Variants in RIPOR3 observed in about 807,000 individuals in gnomAD.
RIPOR3 encodes RIPOR family member 3.
RIPOR3 carries 95 observed loss-of-function variants against 114.3 expected under a neutral mutation model. The ratio of observed to expected loss-of-function variants is 0.83; its 90% confidence interval spans 0.70 to 0.99. The LOEUF (loss-of-function observed/expected upper bound fraction) is 0.99. RIPOR3 is among the 50% of genes least tolerant of loss of function. RIPOR3 has a pLI of 0.00. For synonymous variants in RIPOR3, 575 were observed against 543.8 expected, an observed-to-expected ratio of 1.06 and a Z score of -0.80; for missense variants, 1,252 against 1,266.9, an observed-to-expected ratio of 0.99 and a Z score of 0.18.
At chr20:50,611,323 CT>C in intron 4 of RIPOR3, 119 bp from the exon 5 acceptor site, 1 of 1,304,276 alleles carries the variant, frequency 7.7e-7, no homozygotes. Flanking sequence ...AAAGCCATGT[CT>C]ACAGCCACCC....
At chr20:50,625,395 G>T (rs549388473) in intron 2 of RIPOR3, among the ~76,000 whole-genome samples, 23 of 152,276 alleles carry the variant, frequency 1.5e-4, no homozygotes, top group African/African-American at 5.3e-4. Flanking sequence ...TGCTTTACAT[G>T]TATGGACTCA....
intron 1 of RIPOR3, among the ~76,000 whole-genome samples, chr20:50,678,115 A>G (rs1327971252): frequency 6.6e-6 from 1 of 152,182 alleles, no homozygotes; most frequent in African/African-American, 2.4e-5. Flanking sequence ...TTGCCCCCCA[A>G]GAAGAGAACC....
intron 13 of RIPOR3, among the ~76,000 whole-genome samples, chr20:50,601,240 C>G (rs1568834743): frequency 6.6e-6 from 1 of 152,136 alleles, no homozygotes; most frequent in African/African-American, 2.4e-5. Context: ...TTGAGACCAG[C>G]CTGGCCAACA....
intron 1 of RIPOR3, among the ~76,000 whole-genome samples, chr20:50,683,641 C>T (rs975206167): frequency 4.0e-5 from 6 of 151,528 alleles, no homozygotes; most frequent in Admixed American, 2.6e-4. Context: ...TTAGTAGAGA[C>T]GGGCTGTCTC....
At position 50,608,975 on chromosome 20, in the gene RIPOR3, G is replaced by C. The variant is rs762610888; in HGVS notation, c.641-20C>G. ...CCAAGCCTGGAACACAGACATGGCC[G>C]GTCTCCCCTCCGCCTTCCACTCTCC... is the stretch of plus-strand genomic sequence containing the variant. On this transcript the variant is annotated intron_variant, in intron 8 of 21. Coordinates refer to ENST00000327979, the MANE Select transcript of RIPOR3 (RefSeq NM_001290268.2). 6.4e-7 allele frequency: 1 copy of C among 1,564,360 alleles called. No individual in the cohort carries two copies. Among genetic ancestry groups the C allele is most frequent in the African/African-American group, 1.4e-5 (1 of 74,038 alleles).
At chr20:50,686,570 G>A (rs1386817372) in intron 1 of RIPOR3, among the ~76,000 whole-genome samples, 1 of 151,852 alleles carries the variant, frequency 6.6e-6, no homozygotes, top group Non-Finnish European at 1.5e-5. Flanking sequence ...CCAATATGGT[G>A]AAACCCCATC....
At chr20:50,615,524 CA>C (rs11474316) in intron 4 of RIPOR3, among the ~76,000 whole-genome samples, 1,395 of 58,362 alleles carry the variant, frequency 0.024, 18 homozygotes, top group African/African-American at 0.071. Flanking sequence ...AATCCTGTCT[CA>C]AAAAAAAAAA....
At chr20:50,611,017 C>T in intron 5 of RIPOR3, 111 bp from the exon 6 acceptor site, 2 of 1,569,286 alleles carry the variant, frequency 1.3e-6, no homozygotes, top group East Asian at 2.2e-5. Flanking sequence ...GGGCCCCTCA[C>T]CATCCCTGAG....
At chr20:50,599,263 G>A (rs142501315) in intron 13 of RIPOR3, among the ~76,000 whole-genome samples, 11 of 152,070 alleles carry the variant, frequency 7.2e-5, no homozygotes, top group South Asian at 4.2e-4. Context: ...ATGATGGTAC[G>A]TGCCTGTAAC....
intron 1 of RIPOR3, among the ~76,000 whole-genome samples, chr20:50,665,078 G>A (rs191351252): frequency 6.6e-6 from 1 of 152,014 alleles, no homozygotes; most frequent in African/African-American, 2.4e-5. Flanking sequence ...TTCCAGCCTG[G>A]GTGACAGAGC....
At chr20:50,642,347 T>TGG (rs1271043602) in intron 1 of RIPOR3, among the ~76,000 whole-genome samples, 1 of 40,368 alleles carries the variant, frequency 2.5e-5, no homozygotes, top group Non-Finnish European at 3.9e-5. Flanking sequence ...TCTCTGTGGG[T>TGG]GTGTGTGTGT....
intron 4 of RIPOR3, among the ~76,000 whole-genome samples, chr20:50,612,141 G>GA (rs77901546): frequency 1.4e-5 from 2 of 144,386 alleles, no homozygotes; most frequent in Non-Finnish European, 3.0e-5. Flanking sequence ...AAAAAAAAAA[G>GA]AAAAAAAGTA....
At chr20:50,625,474 G>A (rs1262724498) in intron 2 of RIPOR3, among the ~76,000 whole-genome samples, 1 of 152,206 alleles carries the variant, frequency 6.6e-6, no homozygotes, top group Non-Finnish European at 1.5e-5. Context: ...TGCATCACTC[G>A]CCTCTGGCTC....
At chr20:50,603,392 T>C (rs985452393) in intron 12 of RIPOR3, among the ~76,000 whole-genome samples, 1 of 152,148 alleles carries the variant, frequency 6.6e-6, no homozygotes, top group Non-Finnish European at 1.5e-5. Context: ...TGGCACTCCA[T>C]GACGCCTGGC....
chr20:50,659,696 T>C (rs1445570637), intron 1 of RIPOR3, among the ~76,000 whole-genome samples: 1 of 150,000 alleles, frequency 6.7e-6, no homozygotes, highest in Non-Finnish European at 1.5e-5. Flanking sequence ...CTTAAAATTC[T>C]CCCAAAATTA....
intron 1 of RIPOR3, among the ~76,000 whole-genome samples, chr20:50,651,062 C>T (rs1228494988): frequency 6.6e-6 from 1 of 152,044 alleles, no homozygotes; most frequent in African/African-American, 2.4e-5. Context: ...ACCTCTGCCT[C>T]CCGGGTTCAA....
intron 1 of RIPOR3, among the ~76,000 whole-genome samples, chr20:50,666,048 C>T (rs533229635): frequency 6.5e-4 from 99 of 151,182 alleles, no homozygotes; most frequent in African/African-American, 2.1e-3. Context: ...CTGGGCCTTT[C>T]GTTTTTCCAT....
intron 3 of RIPOR3, among the ~76,000 whole-genome samples, chr20:50,617,910 T>TCTGGC (rs1342475564): frequency 2.6e-5 from 4 of 151,758 alleles, no homozygotes; most frequent in African/African-American, 9.7e-5. Flanking sequence ...GCCCACTGCG[T>TCTGGC]CTGGCCTGGT....
chr20:50,672,262 C>T (rs6063544), intron 1 of RIPOR3, among the ~76,000 whole-genome samples: 30 of 152,124 alleles, frequency 2.0e-4, no homozygotes, highest in African/African-American at 6.8e-4. Flanking sequence ...ACCCGCAGCC[C>T]GTTCCTCCTG....
Sources: allele counts gnomAD v4.1 joint callset (sites outside exome capture counted in the v4.1 genomes callset), GRCh38; gene constraint gnomAD v4.1.1; transcripts MANE v1.5; gene names NCBI Gene and HGNC (gene_info 2026-07-23, HGNC 2026-07-21).